Variants in BAALC observed in about 807,000 individuals in gnomAD.
BAALC encodes the protein BAALC binder of MAP3K1 and KLF4.
In BAALC, 9 loss-of-function variants were observed where a neutral mutation model predicts 15.5. That is an observed-to-expected ratio of 0.58 (90% CI 0.35 to 1.02). The LOEUF (loss-of-function observed/expected upper bound fraction) is 1.02. Among genes scored for constraint, BAALC ranks in the 50% least tolerant of loss-of-function variants. BAALC has a pLI of 0.02. For synonymous variants in BAALC, 80 were observed against 74.6 expected (o/e 1.07, Z -0.37); for missense variants, 201 against 192.4 (o/e 1.04, Z -0.27).
intron 1 of BAALC, among the ~76,000 whole-genome samples, chr8:103,185,687 T>A (rs1811819594): frequency 1.3e-5 from 2 of 152,204 alleles, no homozygotes; most frequent in South Asian, 4.1e-4. Flanking sequence ...GGGATTGGGA[T>A]TGTAAACTGG....
Position 103,209,341 on chromosome 8 carries a change from C to T in BAALC, c.161-3578C>T, listed in dbSNP as rs547517931. Among the ~76,000 whole-genome samples, 3 of 152,184 alleles carry T rather than the reference C, an allele frequency of 2.0e-5. No individual in the cohort carries two copies. The East Asian group carries it at 5.8e-4, about 29-fold the overall frequency. ...GAGTTGAGATCATGCCACTGCACTC[C>T]ACCCTGGGCAACAGAGCGAGACTCC... On this transcript the variant is annotated intron_variant, in intron 1 of 2. Transcript: ENST00000309982.
chr8:103,201,795 G>A (rs1252677807), intron 1 of BAALC, among the ~76,000 whole-genome samples: 3 of 152,156 alleles, frequency 2.0e-5, no homozygotes, highest in Non-Finnish European at 4.4e-5. Context: ...CATAGAGCCT[G>A]GCACATAGTA....
At chr8:103,226,189 G>A (rs995192225) in intron 2 of BAALC, among the ~76,000 whole-genome samples, 2 of 152,216 alleles carry the variant, frequency 1.3e-5, no homozygotes, top group Non-Finnish European at 2.9e-5. Flanking sequence ...TGAGGCCAAC[G>A]CCTGTGGAAA....
intron 1 of BAALC, among the ~76,000 whole-genome samples, chr8:103,180,671 G>T (rs1811706841): frequency 6.6e-6 from 1 of 152,214 alleles, no homozygotes. Context: ...GCCAGAGCAA[G>T]ATGCAAAGTG....
chr8:103,180,636 A>G (rs2129971860), intron 1 of BAALC, among the ~76,000 whole-genome samples: 1 of 152,362 alleles, frequency 6.6e-6, no homozygotes, highest in South Asian at 2.1e-4. Flanking sequence ...AGAAGGATGT[A>G]GGGAGAGGAT....
intron 1 of BAALC, among the ~76,000 whole-genome samples, chr8:103,141,666 T>C (rs1810782083): frequency 6.6e-6 from 1 of 152,272 alleles, no homozygotes; most frequent in South Asian, 2.1e-4. Flanking sequence ...TCGCTAGTTC[T>C]GCACTTTAGG....
intron 1 of BAALC, among the ~76,000 whole-genome samples, chr8:103,164,893 C>T (rs1020746905): frequency 2.0e-5 from 3 of 152,194 alleles, no homozygotes; most frequent in Admixed American, 1.3e-4. Flanking sequence ...ATGAGTGTTT[C>T]TTGGAGTCAG....
intron 1 of BAALC, among the ~76,000 whole-genome samples, chr8:103,143,323 A>G (rs1586367420): frequency 6.6e-6 from 1 of 152,026 alleles, no homozygotes; most frequent in South Asian, 2.1e-4. Context: ...TTTACTCATG[A>G]TTTTACTCCC....
intron 2 of BAALC, among the ~76,000 whole-genome samples, chr8:103,216,898 A>T (rs973980743): frequency 6.6e-5 from 10 of 152,180 alleles, no homozygotes; most frequent in Non-Finnish European, 1.5e-4. Context: ...CAATTTACAG[A>T]TGGGAATTGA....
intron 1 of BAALC, among the ~76,000 whole-genome samples, chr8:103,195,967 T>C (rs1053122631): frequency 1.3e-5 from 2 of 152,120 alleles, no homozygotes; most frequent in African/African-American, 4.8e-5. Flanking sequence ...CAACCCGGTC[T>C]TGAGGAGGAG....
rs1197093103 is a variant in BAALC, at chr8:103,230,077, C to T, written c.*1978C>T. ...AAAGTGTCTCTGTTTTATATAGAAA[C>T]ACTTTCTCACTTACAGGGGAGAAGG... On this transcript the variant is annotated 3_prime_UTR_variant, in exon 3 of 3. Coordinates refer to ENST00000309982, the MANE Select transcript of BAALC (RefSeq NM_024812.3). 1 of 152,146 alleles carries T rather than the reference C, an allele frequency of 6.6e-6. No individual in the cohort carries two copies. Among genetic ancestry groups the T allele is most frequent in the East Asian group, 1.9e-4 (1 of 5,186 alleles). The allele number at this position is 152,146 out of a possible 1,614,324, so 9.4% of individuals were successfully genotyped here.
At chr8:103,183,539 A>C (rs1811771873) in intron 1 of BAALC, 2 of 682,806 alleles carry the variant, frequency 2.9e-6, no homozygotes, top group Non-Finnish European at 5.4e-6. Context: ...AAACCAGGTA[A>C]TCTATAGCTT....
At chr8:103,209,569 C>T (rs988695863) in intron 1 of BAALC, among the ~76,000 whole-genome samples, 2 of 152,140 alleles carry the variant, frequency 1.3e-5, no homozygotes, top group African/African-American at 4.8e-5. Context: ...CCACCCTTCC[C>T]ACAGGCTGAG....
chr8:103,212,782 G>A lies in BAALC; in HGVS notation c.161-137G>A, dbSNP rs767031070. The A allele has an allele frequency of 5.0e-5, 39 of 777,182 alleles. No individual in the cohort carries two copies. The Middle Eastern group carries it at 3.6e-3, about 73-fold the overall frequency. The allele number at this position is 777,182 out of a possible 1,614,324, so 48.1% of individuals were successfully genotyped here. ...AAAGCATATATGTTCTTATAGAAAA[G>A]GGTAGCTCTGCATGGTGGGATTTCT... On this transcript the variant is annotated intron_variant, in intron 1 of 2. Transcript: ENST00000309982.
At chr8:103,196,910 C>G (rs1812111057) in intron 1 of BAALC, among the ~76,000 whole-genome samples, 1 of 152,132 alleles carries the variant, frequency 6.6e-6, no homozygotes, top group Non-Finnish European at 1.5e-5. Flanking sequence ...GAGCTCCTGG[C>G]AGGAGAACAT....
chr8:103,213,301 G>C, intron 2 of BAALC: 2 of 525,028 alleles, frequency 3.8e-6, no homozygotes. Flanking sequence ...GTGTATGTTT[G>C]CTTAAGTACA....
chr8:103,153,575 T>A (rs1811026391), intron 1 of BAALC, among the ~76,000 whole-genome samples: 1 of 152,210 alleles, frequency 6.6e-6, no homozygotes, highest in East Asian at 1.9e-4. Flanking sequence ...TGGTGGACAT[T>A]CCCTTGTCTT....
chr8:103,213,730 C>G (rs1357227388), intron 2 of BAALC: 3 of 152,620 alleles, frequency 2.0e-5, no homozygotes, highest in Non-Finnish European at 2.9e-5. Flanking sequence ...CATCTGCAGT[C>G]TCTTCCTCTT....
chr8:103,205,543 G>T (rs1432806999), intron 1 of BAALC, among the ~76,000 whole-genome samples: 2 of 150,436 alleles, frequency 1.3e-5, no homozygotes, highest in African/African-American at 4.9e-5. Context: ...ATAGATGATA[G>T]ATAGATAGAT....
Sources: gnomAD v4.1 joint callset for allele counts (sites outside exome capture counted in the v4.1 genomes callset) on GRCh38, gnomAD v4.1.1 for gene constraint, MANE v1.5 for transcripts, NCBI Gene and HGNC (gene_info 2026-07-23, HGNC 2026-07-21) for gene names.